The following ATXN1 variants were observed in gnomAD, a reference collection of about 807,000 sequenced individuals.
The protein encoded by ATXN1 is ataxin 1, also known as ataxin-1.
In ATXN1, 8 loss-of-function variants were observed where a neutral mutation model predicts 56.4. The observed-to-expected ratio is 0.14, with a 90% CI of 0.08 to 0.26. The LOEUF (loss-of-function observed/expected upper bound fraction) is 0.26. Among genes scored for constraint, ATXN1 ranks in the 10% least tolerant of loss-of-function variants. The probability of loss-of-function intolerance (pLI) is 1.00; values close to 1 mark genes in which losing one functional copy is unlikely to be tolerated. For missense variants in ATXN1, 987 were observed against 1,106.5 expected (o/e 0.89, Z 1.53); for synonymous variants, 514 against 494.6 (o/e 1.04, Z -0.52).
chr6:16,458,831 G>A (rs546958301), intron 6 of ATXN1, among the ~76,000 whole-genome samples: 2 of 152,322 alleles, frequency 1.3e-5, no homozygotes, highest in Admixed American at 6.5e-5. Context: ...AAGGTTCTCC[G>A]GGCCAGAAGC....
intron 2 of ATXN1, among the ~76,000 whole-genome samples, chr6:16,658,471 C>T (rs1758253150): frequency 8.2e-6 from 1 of 121,236 alleles, no homozygotes; most frequent in Non-Finnish European, 1.7e-5. Flanking sequence ...ATACTTTCTC[C>T]ACCCAAGCTG....
At chr6:16,718,023 G>A (rs1434335360) in intron 2 of ATXN1, among the ~76,000 whole-genome samples, 1 of 152,248 alleles carries the variant, frequency 6.6e-6, no homozygotes, top group Admixed American at 6.5e-5. Flanking sequence ...GTAAAAACCA[G>A]AGGAAAGTAA....
At chr6:16,496,889 AT>A (rs1240171043) in intron 5 of ATXN1, among the ~76,000 whole-genome samples, 1 of 152,006 alleles carries the variant, frequency 6.6e-6, no homozygotes, top group Non-Finnish European at 1.5e-5. Flanking sequence ...GAATAACAGG[AT>A]TTCTCCCCTC....
intron 2 of ATXN1, among the ~76,000 whole-genome samples, chr6:16,747,551 C>T (rs777672724): frequency 6.6e-6 from 1 of 151,988 alleles, no homozygotes; most frequent in Non-Finnish European, 1.5e-5. Context: ...CATATGATTA[C>T]AGCTGTGATG....
At chr6:16,434,157 T>G (rs948492131) in intron 6 of ATXN1, among the ~76,000 whole-genome samples, 1 of 152,210 alleles carries the variant, frequency 6.6e-6, no homozygotes, top group Non-Finnish European at 1.5e-5. Flanking sequence ...CAGACCCAGT[T>G]AAGTCTTAAT....
At chr6:16,436,032 G>T (rs1759382706) in intron 6 of ATXN1, among the ~76,000 whole-genome samples, 1 of 152,052 alleles carries the variant, frequency 6.6e-6, no homozygotes, top group Non-Finnish European at 1.5e-5. Flanking sequence ...TGAGTGGCTG[G>T]GACTACAGGC....
At chr6:16,749,329 T>C (rs1416555196) in intron 2 of ATXN1, among the ~76,000 whole-genome samples, 2 of 152,186 alleles carry the variant, frequency 1.3e-5, no homozygotes, top group African/African-American at 4.8e-5. Context: ...GCTGGAATTG[T>C]TGTTAAAACG....
chr6:16,368,343 C>CTTCTTTTT (rs1354007963), intron 6 of ATXN1, among the ~76,000 whole-genome samples: 2 of 75,870 alleles, frequency 2.6e-5, no homozygotes, highest in African/African-American at 7.7e-5. Context: ...ACTTCTTCTT[C>CTTCTTTTT]TTTTTTTTTT....
intron 6 of ATXN1, among the ~76,000 whole-genome samples, chr6:16,481,514 A>G (rs899842830): frequency 6.6e-6 from 1 of 152,158 alleles, no homozygotes; most frequent in African/African-American, 2.4e-5. Context: ...TAGTCTCTCC[A>G]TTTCTTCCTA....
intron 6 of ATXN1, among the ~76,000 whole-genome samples, chr6:16,354,528 A>T (rs1452759068): frequency 6.6e-6 from 1 of 152,170 alleles, no homozygotes; most frequent in Non-Finnish European, 1.5e-5. Flanking sequence ...AAGTGTGGGG[A>T]TTACAGCCAC....
At chr6:16,724,793 T>G (rs1196941742) in intron 2 of ATXN1, among the ~76,000 whole-genome samples, 1 of 151,812 alleles carries the variant, frequency 6.6e-6, no homozygotes, top group Non-Finnish European at 1.5e-5. Context: ...CTGTCATGAC[T>G]CAGAGGCTTT....
At chr6:16,438,209 C>T (rs967313246) in intron 6 of ATXN1, among the ~76,000 whole-genome samples, 6 of 152,214 alleles carry the variant, frequency 3.9e-5, no homozygotes, top group African/African-American at 1.4e-4. Flanking sequence ...CTCTCACCTA[C>T]TGGTGTGCCA....
chr6:16,422,048 T>C (rs189671950), intron 6 of ATXN1, among the ~76,000 whole-genome samples: 11 of 103,914 alleles, frequency 1.1e-4, no homozygotes, highest in Admixed American at 3.8e-4. Context: ...TATATAAGGG[T>C]TTTTTTTTTT....
intron 2 of ATXN1, among the ~76,000 whole-genome samples, chr6:16,749,201 G>GTA (rs768140861): frequency 3.9e-5 from 6 of 152,160 alleles, no homozygotes; most frequent in Admixed American, 6.5e-5. Context: ...GTTTATCAAA[G>GTA]TACAGTAAAT....
intron 6 of ATXN1, among the ~76,000 whole-genome samples, chr6:16,334,393 C>A (rs905845675): frequency 6.6e-6 from 1 of 151,910 alleles, no homozygotes; most frequent in African/African-American, 2.4e-5. Context: ...ATATGAACAA[C>A]CATTTGGTAG....
intron 1 of ATXN1, chr6:16,754,893 A>T (rs1299288607): frequency 2.0e-5 from 3 of 152,212 alleles, no homozygotes; most frequent in Non-Finnish European, 4.4e-5. Context: ...AATTCTATTT[A>T]ATCTTAGTAC....
At position 16,306,907 on chromosome 6, in the gene ATXN1, TG is replaced by T; in HGVS notation, c.1918-49del. 1 of 1,527,828 alleles carries T rather than the reference TG, an allele frequency of 6.5e-7. No individual in the cohort carries two copies. The allele number at this position is 1,527,828 out of a possible 1,614,324, so 94.6% of individuals were successfully genotyped here. On this transcript the variant is annotated intron_variant, in intron 7 of 7. Coordinates refer to ENST00000436367, the MANE Select transcript of ATXN1 (RefSeq NM_001128164.2). The surrounding 1 kb of genome is among the most constrained non-coding windows in gnomAD (Gnocchi z 5.2). ...AGAGAGGAAGAAGGAAGGGAACAAA[TG>T]AAAACATTTTATTCTTGTTTGATTT...
chr6:16,308,864 A>G (rs1182670797), intron 7 of ATXN1, among the ~76,000 whole-genome samples: 3 of 152,190 alleles, frequency 2.0e-5, no homozygotes, highest in African/African-American at 4.8e-5. Flanking sequence ...TACAAAGACT[A>G]TGCTTACAAT....
Position 16,326,794 on chromosome 6 carries a change from G to A in ATXN1, c.1517C>T (p.Pro506Leu), listed in dbSNP as rs1162433993. ...CTGGGGGGATGACGTGACTATGGCCGGGGCTGCCCCCGACGCTTCCATGTC... is the reference window on the plus strand; with the variant it reads ...CTGGGGGGATGACGTGACTATGGCCAGGGCTGCCCCCGACGCTTCCATGTC... Reference protein sequence around the residue: ...STDMEASGAAPAIVTSSPQFA... With the variant: ...STDMEASGAALAIVTSSPQFA... The change falls in exon 7 of 8, where the codon CCG becomes CTG. Residue 506 changes from proline to leucine, a missense_variant. Physicochemically the swap from Pro to Leu is moderately conservative, Grantham distance 98. Around this residue, in one of 3 missense-constraint regions of ATXN1, gnomAD observed 723 missense variants for 791.7 expected, o/e 0.91. Transcript: ENST00000436367. This position sits in a 1 kb window ranked among gnomAD's most constrained non-coding sequence, Gnocchi z 6.6. 6 of 1,610,228 alleles carry A rather than the reference G, an allele frequency of 3.7e-6. No individual in the cohort carries two copies. The highest frequency in any genetic ancestry group is 4.2e-6 in the Non-Finnish European group (5 of 1,177,362).
Sources: allele counts gnomAD v4.1 joint callset (sites outside exome capture counted in the v4.1 genomes callset), GRCh38; gene constraint gnomAD v4.1.1; regional missense constraint gnomAD v4.1.1; non-coding constraint Gnocchi (gnomAD v3.1); transcripts MANE v1.5; gene names NCBI Gene and HGNC (gene_info 2026-07-23, HGNC 2026-07-21).